The following ZMAT3 variants were observed in gnomAD, a reference collection of about 807,000 sequenced individuals.
ZMAT3 encodes zinc finger matrin-type protein 3.
A neutral mutation model predicts 32.3 loss-of-function variants in ZMAT3; 17 were observed. That is an observed-to-expected ratio of 0.53 (90% CI 0.36 to 0.79). The LOEUF is 0.79. ZMAT3 is among the 30% of genes least tolerant of loss of function. ZMAT3 has a pLI of 0.00. For synonymous variants in ZMAT3, 120 were observed against 133.1 expected (o/e 0.90, Z 0.68); for missense variants, 329 against 359.7 (o/e 0.91, Z 0.69).
intron 2 of ZMAT3, among the ~76,000 whole-genome samples, chr3:179,033,969 C>T (rs557616665): frequency 4.6e-5 from 7 of 152,312 alleles, no homozygotes; most frequent in South Asian, 2.1e-4. Context: ...CTTCAAGATG[C>T]ACTAGGAACC....
Position 179,027,351 on chromosome 3 carries a change from C to T in ZMAT3, c.658+72G>A, listed in dbSNP as rs1576835894. The T allele has an allele frequency of 2.2e-6, 3 of 1,357,812 alleles. No homozygotes were observed. The East Asian group carries it at 7.0e-5, about 32-fold the overall frequency. 84.1% of individuals were successfully genotyped at this position (1,357,812 alleles called of 1,614,324 possible). A position where few individuals can be genotyped will look rare whatever the true frequency, so the allele number is the denominator to read the frequency against. On this transcript the variant is annotated intron_variant, in intron 5 of 5. Transcript: ENST00000311417. ...CCAAATTCTCAGGGCTATCTATTATCATTAAAAGAAATAAAAACAAAGGAG... is the reference window on the plus strand; with the variant it reads ...CCAAATTCTCAGGGCTATCTATTATTATTAAAAGAAATAAAAACAAAGGAG...
Position 179,024,192 on chromosome 3 carries a change from T to C in ZMAT3, c.*825A>G. 1 of 152,066 alleles carries C rather than the reference T, an allele frequency of 6.6e-6. No homozygotes were observed. Among genetic ancestry groups the C allele is most frequent in the Non-Finnish European group, 1.5e-5 (1 of 68,016 alleles). The allele number at this position is 152,066 out of a possible 1,614,324, so 9.4% of individuals were successfully genotyped here. A position where few individuals can be genotyped will look rare whatever the true frequency, so the allele number is the denominator to read the frequency against. On this transcript the variant is annotated 3_prime_UTR_variant, in exon 6 of 6. Coordinates refer to ENST00000311417, the MANE Select transcript of ZMAT3 (RefSeq NM_022470.4). ...CAATTATATGTGTGAAATCCACAAC[T>C]GGAAATCAAGTTTAGCTGTTTGGAA...
chr3:179,026,379 CTTTTTTT>C (rs1235818885), intron 5 of ZMAT3, among the ~76,000 whole-genome samples: 3 of 65,924 alleles, frequency 4.6e-5, no homozygotes, highest in African/African-American at 1.3e-4. Context: ...ATGAATTGTG[CTTTTTTT>C]TTTTTTTTTT....
At chr3:179,067,959 A>G in intron 1 of ZMAT3, 150 bp from the exon 2 acceptor site, 1 of 703,360 alleles carries the variant, frequency 1.4e-6, no homozygotes, top group South Asian at 2.0e-5. Flanking sequence ...CATTTAGCAG[A>G]CTTCCCCTGC....
chr3:179,029,031 GCAC>G (rs1719036826), intron 3 of ZMAT3, among the ~76,000 whole-genome samples: 1 of 151,874 alleles, frequency 6.6e-6, no homozygotes, highest in South Asian at 2.1e-4. Context: ...ATGGTGGCAG[GCAC>G]CTGTAATCCC....
At chr3:179,032,343 G>A (rs1037552364) in intron 2 of ZMAT3, among the ~76,000 whole-genome samples, 19 of 151,966 alleles carry the variant, frequency 1.3e-4, no homozygotes, top group African/African-American at 3.9e-4. Context: ...GCGTGATCTC[G>A]GCTTGCTACA....
intron 2 of ZMAT3, among the ~76,000 whole-genome samples, chr3:179,042,377 T>C (rs573339485): frequency 6.6e-6 from 1 of 152,288 alleles, no homozygotes; most frequent in South Asian, 2.1e-4. Flanking sequence ...TTATCCACCA[T>C]GATCAGGTCA....
At chr3:179,055,769 T>G (rs994759474) in intron 2 of ZMAT3, among the ~76,000 whole-genome samples, 2 of 152,216 alleles carry the variant, frequency 1.3e-5, no homozygotes, top group Admixed American at 6.5e-5. Context: ...TGGAGAGATA[T>G]AATGTTACTA....
In ZMAT3 at chr3:179,025,053, C is replaced by A; in HGVS notation, c.834G>T (p.Arg278=). 6.2e-7 allele frequency: 1 copy of A among 1,614,200 alleles called. No homozygotes were observed. The highest frequency in any genetic ancestry group is 8.5e-7 in the Non-Finnish European group (1 of 1,180,036). ...CCAGATTCTCCATCTCATTCCTGTA[C>A]CGCTGTTCAGACACCTTGCTCTTAT... is the stretch of plus-strand genomic sequence containing the variant. ...KQHKSKVSEQ[R]YRNEMENLGY... The change falls in exon 6 of 6, where the codon CGG becomes CGT. Residue 278 remains arginine, a synonymous_variant. Transcript: ENST00000311417.
At chr3:179,047,318 T>A (rs1720293777) in intron 2 of ZMAT3, among the ~76,000 whole-genome samples, 1 of 152,138 alleles carries the variant, frequency 6.6e-6, no homozygotes, top group South Asian at 2.1e-4. Flanking sequence ...GAGCACCACA[T>A]CAGGGGAGCA....
intron 2 of ZMAT3, among the ~76,000 whole-genome samples, chr3:179,052,903 G>A (rs568941685): frequency 2.4e-4 from 36 of 152,138 alleles, no homozygotes; most frequent in African/African-American, 4.3e-4. Flanking sequence ...AGAGGCAGGC[G>A]GATCACATGA....
In ZMAT3 at chr3:179,020,316, A is replaced by G. The variant is rs1576828417; in HGVS notation, c.*4701T>C. 1 of 152,328 alleles carries G rather than the reference A, an allele frequency of 6.6e-6. No homozygotes were observed. Among genetic ancestry groups the G allele is most frequent in the Admixed American group, 6.5e-5 (1 of 15,300 alleles). 9.4% of individuals were successfully genotyped at this position (152,328 alleles called of 1,614,324 possible). On this transcript the variant is annotated 3_prime_UTR_variant, in exon 6 of 6. Transcript: ENST00000311417. ...AAATGTTCCTCCCATTCATAACGGG[A>G]AGAAAAAGTCAAACAGCTATCAGTA...
chr3:179,033,040 T>C (rs986248102), intron 2 of ZMAT3, among the ~76,000 whole-genome samples: 2 of 152,190 alleles, frequency 1.3e-5, no homozygotes, highest in South Asian at 2.1e-4. Context: ...TTTTGTCGAA[T>C]AGAAAAGGGG....
chr3:179,040,937 C>A (rs1453761197), intron 2 of ZMAT3, among the ~76,000 whole-genome samples: 1 of 151,678 alleles, frequency 6.6e-6, no homozygotes, highest in Middle Eastern at 3.2e-3. Context: ...CAATCCTACT[C>A]TCCGATAAAA....
chr3:179,024,928 A>G lies in ZMAT3; in HGVS notation c.*89T>C. The G allele has an allele frequency of 8.3e-7, 1 of 1,201,168 alleles. No homozygotes were observed. The highest frequency in any genetic ancestry group is 1.2e-6 in the Non-Finnish European group (1 of 821,078). 74.4% of individuals were successfully genotyped at this position (1,201,168 alleles called of 1,614,324 possible). A position where few individuals can be genotyped will look rare whatever the true frequency, so the allele number is the denominator to read the frequency against. ...GTATTAACATTAAGCAGAGGAATGT[A>G]CTCATATCAAAAAGACCACAAAGCA... On this transcript the variant is annotated 3_prime_UTR_variant, in exon 6 of 6. Transcript: ENST00000311417.
chr3:179,057,186 T>G (rs1337577966), intron 2 of ZMAT3, among the ~76,000 whole-genome samples: 1 of 152,056 alleles, frequency 6.6e-6, no homozygotes, highest in African/African-American at 2.4e-5. Flanking sequence ...ATACTCCAAT[T>G]TTAGGAGTAC....
In ZMAT3 at chr3:179,046,883, C is replaced by G. The variant is rs1260994588; in HGVS notation, c.271-15884G>C. ...AAGGAGAGACTGACCTCAGACATGC[C>G]TAACCCTGCCCCAACCCGATGGTCT... is the stretch of plus-strand genomic sequence containing the variant. On this transcript the variant is annotated intron_variant, in intron 2 of 5. Transcript: ENST00000311417. This position sits in a 1 kb window ranked among gnomAD's most constrained non-coding sequence, Gnocchi z 4.3. Among the ~76,000 whole-genome samples, 1 of 152,170 alleles carries G rather than the reference C, an allele frequency of 6.6e-6. No individual in the cohort carries two copies. The highest frequency in any genetic ancestry group is 1.5e-5 in the Non-Finnish European group (1 of 68,024).
chr3:179,062,511 TA>T (rs1257485073), intron 2 of ZMAT3, among the ~76,000 whole-genome samples: 2 of 151,890 alleles, frequency 1.3e-5, no homozygotes, highest in East Asian at 1.9e-4. Context: ...AGAAATGAGG[TA>T]GGGGTAGACT....
intron 2 of ZMAT3, among the ~76,000 whole-genome samples, chr3:179,037,721 C>T (rs911333786): frequency 6.6e-6 from 1 of 152,206 alleles, no homozygotes; most frequent in African/African-American, 2.4e-5. Flanking sequence ...GCAACATTAG[C>T]ACTAAGGAAG....
Sources: gnomAD v4.1 joint callset for allele counts (sites outside exome capture counted in the v4.1 genomes callset) on GRCh38, gnomAD v4.1.1 for gene constraint, Gnocchi (gnomAD v3.1) non-coding constraint, MANE v1.5 for transcripts, NCBI Gene and HGNC (gene_info 2026-07-23, HGNC 2026-07-21) for gene names.